PIK3C2B: variants seen among roughly 807,000 people sequenced by gnomAD.
The protein encoded by PIK3C2B is phosphatidylinositol 4-phosphate 3-kinase C2 domain-containing subunit beta.
In PIK3C2B, 83 loss-of-function variants were observed where a neutral mutation model predicts 184.3. That is an observed-to-expected ratio of 0.45 (90% CI 0.38 to 0.54). PIK3C2B has a LOEUF of 0.54. Ranked by LOEUF, PIK3C2B falls within the 20% of genes least tolerant of loss-of-function variation. The pLI, the probability that PIK3C2B is intolerant of heterozygous loss-of-function variation, is 0.00. For missense variants in PIK3C2B, 1,736 were observed against 2,113.5 expected (o/e 0.82, Z 3.50); for synonymous variants, 779 against 837.6 (o/e 0.93, Z 1.21).
chr1:204,463,169 A>G (rs1248559678), intron 5 of PIK3C2B, among the ~76,000 whole-genome samples: 2 of 152,194 alleles, frequency 1.3e-5, no homozygotes, highest in African/African-American at 2.4e-5. Context: ...AAGAGAGAGA[A>G]AAAGCAAGCA....
intron 28 of PIK3C2B, 127 bp downstream of exon 28, chr1:204,431,541 CA>C: frequency 8.3e-7 from 1 of 1,203,394 alleles, no homozygotes; most frequent in South Asian, 1.3e-5. Context: ...CATACCAGGC[CA>C]AGCAAAGCAG....
rs987691807 is a variant in PIK3C2B, at chr1:204,469,067, C to T, written c.736G>A (p.Ala246Thr). 1 of 1,614,210 alleles carries T rather than the reference C, an allele frequency of 6.2e-7. No homozygotes were observed. ...TRLNLKSTYD[A>T]EMLRDATRGW... ...CTGGTGGCATCCCGCAACATCTCCG[C>T]ATCATAGGTCGATTTCAAGTTGAGC... Residue 246 changes from alanine to threonine, a missense_variant, in exon 2 of 33, where the codon GCG becomes ACG. This residue lies in a region of PIK3C2B where 404 missense variants were observed against 418.0 expected (regional missense o/e 0.97). Transcript: ENST00000684373.
chr1:204,460,546 GAAC>G lies in PIK3C2B; in HGVS notation c.1422+1_1422+3del. 6.2e-7 allele frequency: 1 copy of G among 1,611,410 alleles called. No homozygotes were observed. The highest frequency in any genetic ancestry group is 8.5e-7 in the Non-Finnish European group (1 of 1,177,736). On this transcript the variant is annotated splice_donor_variant and splice_donor_region_variant and intron_variant, in intron 6 of 32. Coordinates refer to ENST00000684373, the MANE Select transcript of PIK3C2B (RefSeq NM_001377334.1). LOFTEE classifies it high-confidence loss of function. ...GGGCAACCCTCCACCACCCTCACAC[GAAC>G]CGTCCGGGCCAGGTCACTGCGCACA...
At chr1:204,468,605 G>A (rs1261593463) in intron 2 of PIK3C2B, among the ~76,000 whole-genome samples, 1 of 152,182 alleles carries the variant, frequency 6.6e-6, no homozygotes, top group Non-Finnish European at 1.5e-5. Context: ...TAGGAACCAG[G>A]ATTCCCAAAT....
At chr1:204,475,054 C>T (rs1229918604) in intron 1 of PIK3C2B, among the ~76,000 whole-genome samples, 1 of 152,168 alleles carries the variant, frequency 6.6e-6, no homozygotes, top group African/African-American at 2.4e-5. Flanking sequence ...TATCTTCTCT[C>T]ATTTGGGCTA....
rs758962903 is a variant in PIK3C2B, at chr1:204,457,815, G to C, written c.1626C>G (p.Ala542=). Residue 542 remains alanine (A), a synonymous_variant, in exon 9 of 33, where the codon GCC becomes GCG. Transcript: ENST00000684373. ...VVQSVKAICN[A]LAAVETPEIT... is the part of the protein sequence containing the mutation. ...TCTCAGGGGTTTCCACGGCGGCCAG[G>C]GCGTTGCAGATGGCCTTGACGGACT... 6.2e-7 allele frequency: 1 copy of C among 1,613,076 alleles called. No homozygotes were observed. Among genetic ancestry groups the C allele is most frequent in the Middle Eastern group, 1.7e-4 (1 of 6,052 alleles).
At chr1:204,486,791 T>A (rs1017302227) in intron 1 of PIK3C2B, among the ~76,000 whole-genome samples, 14 of 152,148 alleles carry the variant, frequency 9.2e-5, no homozygotes, top group African/African-American at 3.4e-4. Context: ...TTAAGTAACA[T>A]CCTTCATTTT....
intron 1 of PIK3C2B, among the ~76,000 whole-genome samples, chr1:204,484,184 C>A (rs959560910): frequency 8.5e-5 from 13 of 152,060 alleles, no homozygotes; most frequent in Admixed American, 6.6e-5. Context: ...GGAAATATAC[C>A]TTTTTTTCCC....
intron 31 of PIK3C2B, 83 bp downstream of exon 31, chr1:204,427,565 C>T: frequency 1.2e-6 from 1 of 852,960 alleles, no homozygotes. Flanking sequence ...ACCCATATGA[C>T]ACGCGGCAGA....
chr1:204,464,647 G>A, intron 3 of PIK3C2B, 43 bp from the exon 4 acceptor site: 2 of 1,584,898 alleles, frequency 1.3e-6, no homozygotes, highest in South Asian at 1.1e-5. Flanking sequence ...CTTTAGAAGA[G>A]AGTAGTCAAG....
chr1:204,482,167 CT>C (rs1472749833), intron 1 of PIK3C2B, among the ~76,000 whole-genome samples: 6 of 151,192 alleles, frequency 4.0e-5, no homozygotes, highest in African/African-American at 1.5e-4. Flanking sequence ...TGGCCTCCCC[CT>C]GGTCTCTGCT....
Position 204,447,595 on chromosome 1 carries a change from G to A in PIK3C2B, c.2347-17C>T. The A allele has an allele frequency of 6.3e-7, 1 of 1,593,292 alleles. No homozygotes were observed. Among genetic ancestry groups the A allele is most frequent in the South Asian group, 1.1e-5 (1 of 90,714 alleles). ...GAAGTCAATCTGGGGGATGAGATCA[G>A]GGATGTGAGGAGAGAAAACAGGCAG... On this transcript the variant is annotated splice_polypyrimidine_tract_variant and intron_variant, in intron 14 of 32. Transcript: ENST00000684373. The surrounding 1 kb of genome is among the most constrained non-coding windows in gnomAD (Gnocchi z 4.1).
In PIK3C2B at chr1:204,486,809, G is replaced by T. The variant is rs529098697; in HGVS notation, c.-85+7547C>A. Among the ~76,000 whole-genome samples, 4 of 152,084 alleles carry T rather than the reference G, an allele frequency of 2.6e-5. No individual in the cohort carries two copies. The South Asian group carries it at 8.3e-4, about 32-fold the overall frequency. On this transcript the variant is annotated intron_variant, in intron 1 of 32. Transcript: ENST00000684373. ...AGTAACATCCTTCATTTTTTGTTTG[G>T]TTTTTTGTTTGTTTTTGAGATGGAG...
intron 11 of PIK3C2B, among the ~76,000 whole-genome samples, chr1:204,455,448 C>T (rs1227058069): frequency 3.3e-5 from 5 of 152,160 alleles, no homozygotes; most frequent in Non-Finnish European, 7.4e-5. Context: ...CTCCTCCACC[C>T]ACCCCTGCAG....
chr1:204,470,168 CTTTT>C (rs34940315), intron 1 of PIK3C2B, among the ~76,000 whole-genome samples: 4 of 138,198 alleles, frequency 2.9e-5, no homozygotes, highest in East Asian at 4.1e-4. Context: ...AGAGAGGCAC[CTTTT>C]TTTTTTTTTT....
Position 204,469,881 on chromosome 1 carries a change from G to T in PIK3C2B, c.-79C>A. On this transcript the variant is annotated 5_prime_UTR_variant, in exon 2 of 33. Transcript: ENST00000684373. ...TCTGGAGGGTTGTGACATGGTGTCTGGGCGCCTGCAGGTGAGGGGTAAAAA... is the reference window on the plus strand; with the variant it reads ...TCTGGAGGGTTGTGACATGGTGTCTTGGCGCCTGCAGGTGAGGGGTAAAAA... 1 of 895,436 alleles carries T rather than the reference G, an allele frequency of 1.1e-6. No homozygotes were observed. Among genetic ancestry groups the T allele is most frequent in the South Asian group, 1.5e-5 (1 of 67,610 alleles). 55.5% of individuals were successfully genotyped at this position (895,436 alleles called of 1,614,324 possible).
At chr1:204,435,940 G>A (rs530231501) in intron 23 of PIK3C2B, 9 of 152,248 alleles carry the variant, frequency 5.9e-5, no homozygotes, top group East Asian at 1.9e-4. Flanking sequence ...ACTCCCAGTC[G>A]TGACCTGGAT....
intron 15 of PIK3C2B, 44 bp from the exon 16 acceptor site, chr1:204,446,188 G>C: frequency 7.1e-7 from 1 of 1,410,694 alleles, no homozygotes. Context: ...AGGGTAGGGG[G>C]CAGTGAGAGA....
intron 30 of PIK3C2B, 21 bp from the exon 31 acceptor site, chr1:204,427,775 A>G (rs1674827182): frequency 1.9e-6 from 3 of 1,557,850 alleles, no homozygotes; most frequent in Non-Finnish European, 8.9e-7. Context: ...AAATGAAACC[A>G]TGAAGGGTCA....
Sources: allele counts gnomAD v4.1 joint callset (sites outside exome capture counted in the v4.1 genomes callset), GRCh38; gene constraint gnomAD v4.1.1; regional missense constraint gnomAD v4.1.1; non-coding constraint Gnocchi (gnomAD v3.1); transcripts MANE v1.5; gene names NCBI Gene and HGNC (gene_info 2026-07-23, HGNC 2026-07-21).